Variants in SGIP1 observed in about 807,000 individuals in gnomAD.
The protein encoded by SGIP1 is SH3GL interacting endocytic adaptor 1.
A neutral mutation model predicts 107.5 loss-of-function variants in SGIP1; 38 were observed. The ratio of observed to expected loss-of-function variants is 0.35; its 90% CI spans 0.27 to 0.46. The LOEUF (loss-of-function observed/expected upper bound fraction) is 0.46. SGIP1 is among the 20% of genes least tolerant of loss of function. SGIP1 has a pLI of 1.00. For synonymous variants in SGIP1, 365 were observed against 366.1 expected (o/e 1.00, Z 0.03); for missense variants, 929 against 1,019.5 (o/e 0.91, Z 1.21).
chr1:66,699,003 A>G (rs2091464465), intron 18 of SGIP1, among the ~76,000 whole-genome samples: 1 of 151,874 alleles, frequency 6.6e-6, no homozygotes, highest in Non-Finnish European at 1.5e-5. Context: ...AGCCTCTTAC[A>G]TCTCACACAC....
chr1:66,719,804 C>A (rs1212910377), intron 19 of SGIP1, among the ~76,000 whole-genome samples: 1 of 152,072 alleles, frequency 6.6e-6, no homozygotes, highest in African/African-American at 2.4e-5. Flanking sequence ...ACAGGAATCA[C>A]CCACATATAA....
intron 18 of SGIP1, among the ~76,000 whole-genome samples, chr1:66,701,455 T>G (rs1456065217): frequency 2.6e-5 from 4 of 152,230 alleles, no homozygotes; most frequent in South Asian, 2.1e-4. Flanking sequence ...TTAGAAATAT[T>G]AAAACCACGC....
intron 1 of SGIP1, among the ~76,000 whole-genome samples, chr1:66,543,968 T>C (rs767972660): frequency 9.2e-5 from 14 of 152,188 alleles, no homozygotes; most frequent in Non-Finnish European, 1.6e-4. Context: ...CAGTAAGAGA[T>C]TGGCAATAAT....
rs530012243 is a variant in SGIP1 at position 66,583,023 on chromosome 1, T to A, written c.11-42824T>A. Among the ~76,000 whole-genome samples, 8 of 152,150 alleles carry A rather than the reference T, an allele frequency of 5.3e-5. 1 individual carries two copies. The South Asian group carries it at 1.7e-3, about 32-fold the overall frequency. On this transcript the variant is annotated intron_variant, in intron 1 of 24. Transcript: ENST00000371037. ...TATTTCACACATATTTATAACATTT[T>A]TATATATATCAAATCTCTGATGTGT...
At chr1:66,706,210 T>C (rs1184212584) in intron 18 of SGIP1, among the ~76,000 whole-genome samples, 2 of 150,686 alleles carry the variant, frequency 1.3e-5, no homozygotes, top group African/African-American at 2.4e-5. Context: ...TGCTTCTTGC[T>C]ATCAAACCAT....
Position 66,709,247 on chromosome 1 carries a change from G to A in SGIP1, c.1631-10047G>A, listed in dbSNP as rs2092744959. Among the ~76,000 whole-genome samples, 3 of 148,588 alleles carry A rather than the reference G, an allele frequency of 2.0e-5. No individual in the cohort carries two copies. In the South Asian group the frequency reaches 6.4e-4, roughly 32 times the overall value. Reference sequence around the variant, plus strand: ...TGCCTGTGTCCATGTGTTCTCATTGGAGAACTGACTTTCTTAAGTACACTT... The same window carrying A: ...TGCCTGTGTCCATGTGTTCTCATTGAAGAACTGACTTTCTTAAGTACACTT... On this transcript the variant is annotated intron_variant, in intron 18 of 24. Transcript: ENST00000371037.
intron 1 of SGIP1, among the ~76,000 whole-genome samples, chr1:66,537,137 A>C (rs1475036621): frequency 6.6e-6 from 1 of 152,180 alleles, no homozygotes; most frequent in Non-Finnish European, 1.5e-5. Context: ...GCAGGTGATT[A>C]GTGGTTTGTG....
intron 18 of SGIP1, among the ~76,000 whole-genome samples, chr1:66,705,978 G>A (rs970049170): frequency 6.6e-6 from 1 of 151,972 alleles, no homozygotes; most frequent in African/African-American, 2.4e-5. Context: ...CATGGCACAT[G>A]TTTACCTATG....
intron 3 of SGIP1, among the ~76,000 whole-genome samples, chr1:66,635,146 A>G (rs1334178720): frequency 2.0e-5 from 3 of 152,236 alleles, no homozygotes; most frequent in South Asian, 2.1e-4. Flanking sequence ...TTGTTTATTT[A>G]ATGCCAGTTT....
intron 1 of SGIP1, among the ~76,000 whole-genome samples, chr1:66,544,242 T>C (rs906062152): frequency 2.0e-5 from 3 of 152,176 alleles, no homozygotes; most frequent in African/African-American, 7.2e-5. Flanking sequence ...CACTAATCAA[T>C]CACAGCCATC....
At chr1:66,550,218 G>GTTATTT (rs1371740208) in intron 1 of SGIP1, among the ~76,000 whole-genome samples, 1 of 152,028 alleles carries the variant, frequency 6.6e-6, no homozygotes, top group Non-Finnish European at 1.5e-5. Context: ...TGAAATTATG[G>GTTATTT]TTTATTTTTT....
chr1:66,671,969 T>C lies in SGIP1; in HGVS notation c.534T>C (p.Arg178=), dbSNP rs749740371. 31 of 1,613,906 alleles carry C rather than the reference T, an allele frequency of 1.9e-5. No homozygotes were observed. The highest frequency in any genetic ancestry group is 2.6e-5 in the Non-Finnish European group (31 of 1,179,964). The change falls in exon 11 of 25, where the codon CGT becomes CGC. Residue 178 remains arginine, a synonymous_variant. Coordinates refer to ENST00000371037, the MANE Select transcript of SGIP1 (RefSeq NM_032291.4). ...GTGAAGAAGTGGCAAGACCCAGGCG[T>C]TCCACACCAACTCCAGAACTTATAA... ...LSSEEVARPR[R]STPTPELISK... is the part of the protein sequence containing the mutation.
chr1:66,589,212 A>G (rs377138126), intron 1 of SGIP1, among the ~76,000 whole-genome samples: 7,644 of 89,438 alleles, frequency 0.085, 787 homozygotes, highest in African/African-American at 0.15. Flanking sequence ...ATATATATAT[A>G]TATATGTAAG....
intron 3 of SGIP1, 95 bp from the exon 4 acceptor site, chr1:66,635,849 T>C (rs1394597288): frequency 7.8e-7 from 1 of 1,275,870 alleles, no homozygotes; most frequent in Admixed American, 1.9e-5. Context: ...TCTTCTATGG[T>C]ATGTTTGCTG....
At chr1:66,706,570 G>GA (rs1204529117) in intron 18 of SGIP1, among the ~76,000 whole-genome samples, 1 of 150,564 alleles carries the variant, frequency 6.6e-6, no homozygotes, top group African/African-American at 2.4e-5. Context: ...AAAGAAAAAG[G>GA]AAAAATGTAG....
At chr1:66,579,125 T>A (rs753109572) in intron 1 of SGIP1, among the ~76,000 whole-genome samples, 7 of 152,222 alleles carry the variant, frequency 4.6e-5, no homozygotes, top group Non-Finnish European at 1.0e-4. Context: ...TACATACACA[T>A]TTACTGATAG....
intron 3 of SGIP1, chr1:66,634,015 A>G (rs1271841488): frequency 7.0e-7 from 1 of 1,418,520 alleles, no homozygotes; most frequent in African/African-American, 1.4e-5. Context: ...TTACCATGAA[A>G]TGTTAAGAAA....
chr1:66,705,531 A>T (rs1007463663), intron 18 of SGIP1, among the ~76,000 whole-genome samples: 1 of 152,096 alleles, frequency 6.6e-6, no homozygotes, highest in Non-Finnish European at 1.5e-5. Context: ...TCCTTTCCTT[A>T]GGTTTTTGCC....
chr1:66,615,783 T>C (rs1293979192), intron 1 of SGIP1, among the ~76,000 whole-genome samples: 1 of 152,104 alleles, frequency 6.6e-6, no homozygotes, highest in Non-Finnish European at 1.5e-5. Context: ...GATGGAAGGA[T>C]GTGAAGAAAA....
Sources: gnomAD v4.1 joint callset for allele counts (sites outside exome capture counted in the v4.1 genomes callset) on GRCh38, gnomAD v4.1.1 for gene constraint, MANE v1.5 for transcripts, NCBI Gene and HGNC (gene_info 2026-07-23, HGNC 2026-07-21) for gene names.